The following NXNL2 variants were observed in gnomAD, a reference collection of about 807,000 sequenced individuals.
NXNL2 encodes nucleoredoxin-like protein 2.
In NXNL2, 7 loss-of-function variants were observed where a neutral mutation model predicts 11.1. That is an observed-to-expected ratio of 0.63 (90% CI 0.36 to 1.18). The LOEUF is 1.18. NXNL2 is among the 50% of genes most tolerant of loss of function. The pLI is 0.02. For synonymous variants in NXNL2, 109 were observed against 101.8 expected, an observed-to-expected ratio of 1.07 and a Z score of -0.42; for missense variants, 233 against 217.7, an observed-to-expected ratio of 1.07 and a Z score of -0.44.
chr9:88,581,515 A>G (rs1015660012), intron 1 of NXNL2, among the ~76,000 whole-genome samples: 1 of 151,706 alleles, frequency 6.6e-6, no homozygotes, highest in Non-Finnish European at 1.5e-5. Context: ...TCAGCTCACC[A>G]CAACCTCTGC....
chr9:88,535,759 C>A (rs762484471), intron 1 of NXNL2, 23 bp downstream of exon 1: 2 of 1,168,094 alleles, frequency 1.7e-6, no homozygotes, highest in Non-Finnish European at 2.3e-6. Flanking sequence ...CCTGGGGGGG[C>A]GGGGGCCGCC....
chr9:88,565,509 T>G (rs1403558002), intron 1 of NXNL2, among the ~76,000 whole-genome samples: 1 of 152,192 alleles, frequency 6.6e-6, no homozygotes, highest in Non-Finnish European at 1.5e-5. Flanking sequence ...TTATTCCACA[T>G]CCTCTCTAAC....
chr9:88,562,331 G>T (rs1484550154), intron 1 of NXNL2, among the ~76,000 whole-genome samples: 1 of 152,172 alleles, frequency 6.6e-6, no homozygotes, highest in East Asian at 1.9e-4. Context: ...GCGGCTGGGA[G>T]TGCTGGAGGT....
chr9:88,545,740 A>G (rs889770638), downstream of NXNL2, among the ~76,000 whole-genome samples: 4 of 152,158 alleles, frequency 2.6e-5, no homozygotes, highest in South Asian at 4.1e-4. Context: ...AAACTCAGAG[A>G]TGAAATATTT....
chr9:88,562,005 G>T (rs1272838796), intron 1 of NXNL2, among the ~76,000 whole-genome samples: 2 of 152,182 alleles, frequency 1.3e-5, no homozygotes, highest in Non-Finnish European at 2.9e-5. Flanking sequence ...GTGCATAGCA[G>T]CACTAGTTGT....
chr9:88,549,519 G>A (rs1829898083), downstream of NXNL2, among the ~76,000 whole-genome samples: 1 of 152,136 alleles, frequency 6.6e-6, no homozygotes, highest in African/African-American at 2.4e-5. Flanking sequence ...ATTTAGGTTG[G>A]AAGTACTTTC....
At chr9:88,549,154 A>T (rs1829892460), downstream of NXNL2, among the ~76,000 whole-genome samples, 1 of 152,230 alleles carries the variant, frequency 6.6e-6, no homozygotes, top group South Asian at 2.1e-4. Context: ...CTGGCTATCC[A>T]GGTTTCCTCT....
Position 88,535,424 on chromosome 9 carries a change from G to T in NXNL2, c.-11G>T, listed in dbSNP as rs1201052980. On this transcript the variant is annotated 5_prime_UTR_variant, in exon 1 of 2. Coordinates refer to ENST00000375854, the MANE Select transcript of NXNL2 (RefSeq NM_001161625.2). ...GTGTCCTCGGGTCTCAGGTGGCTGC[G>T]TGTCTGCGCCATGGTTGACATTCTG... 5.0e-6 allele frequency: 8 copies of T among 1,584,284 alleles called. No individual in the cohort carries two copies. Among genetic ancestry groups the T allele is most frequent in the Non-Finnish European group, 6.8e-6 (8 of 1,168,098 alleles).
downstream of NXNL2, among the ~76,000 whole-genome samples, chr9:88,580,757 C>T (rs1030879348): frequency 2.6e-5 from 4 of 152,178 alleles, no homozygotes; most frequent in African/African-American, 9.7e-5. Flanking sequence ...ATCCATGGCC[C>T]CACTGATGTC....
At chr9:88,575,161 C>T (rs1053735147) in exon 3 of NXNL2, 1 of 985,178 alleles carries the variant, frequency 1.0e-6, no homozygotes, top group Non-Finnish European at 1.2e-6. Flanking sequence ...TGTTCTCCCC[C>T]CGCACCATCC....
intron 1 of NXNL2, chr9:88,583,998 G>C (rs966824647): frequency 6.6e-6 from 1 of 152,210 alleles, no homozygotes; most frequent in Non-Finnish European, 1.5e-5. Flanking sequence ...TTTTGTTTCA[G>C]CAGCCGGAGC....
At chr9:88,543,757 C>G (rs1380950740) in intron 1 of NXNL2, among the ~76,000 whole-genome samples, 3 of 152,186 alleles carry the variant, frequency 2.0e-5, no homozygotes, top group Non-Finnish European at 4.4e-5. Flanking sequence ...TCCTTAGGCA[C>G]ACTAGCCACA....
At chr9:88,578,483 A>G (rs1423481425), downstream of NXNL2, among the ~76,000 whole-genome samples, 1 of 152,232 alleles carries the variant, frequency 6.6e-6, no homozygotes, top group Non-Finnish European at 1.5e-5. Context: ...GTAATCAGTT[A>G]CTTATCAATT....
chr9:88,541,072 A>C (rs1829749918), intron 1 of NXNL2, among the ~76,000 whole-genome samples: 1 of 143,824 alleles, frequency 7.0e-6, no homozygotes, highest in African/African-American at 2.6e-5. Context: ...CAGCCTCCCA[A>C]GTAGCTGAGC....
At chr9:88,559,024 T>C (rs114491650) in intron 1 of NXNL2, among the ~76,000 whole-genome samples, 1,567 of 152,196 alleles carry the variant, frequency 0.01, 30 homozygotes, top group African/African-American at 0.035. Flanking sequence ...AGCAAATAGA[T>C]GTCTCTGCAT....
intron 2 of NXNL2, among the ~76,000 whole-genome samples, chr9:88,574,115 T>C (rs1226424480): frequency 6.6e-6 from 1 of 152,222 alleles, no homozygotes; most frequent in Non-Finnish European, 1.5e-5. Context: ...TCCACTCATA[T>C]ATATATACAC....
chr9:88,564,408 T>C lies in NXNL2; in HGVS notation c.303-6679T>C, dbSNP rs991350295. On this transcript the variant is annotated intron_variant, in intron 1 of 2. Transcript: ENST00000375855. The stretch of plus-strand genomic sequence containing the variant: ...TACAATGTATGTACATATCTATCTA[T>C]TTATATATTTATTTATTTATTTTTT... Among the ~76,000 whole-genome samples, 5 of 151,922 alleles carry C rather than the reference T, an allele frequency of 3.3e-5. 1 individual carries two copies. The East Asian group carries it at 9.6e-4, about 29-fold the overall frequency.
intron 2 of NXNL2, among the ~76,000 whole-genome samples, chr9:88,572,287 T>C (rs1018606295): frequency 6.6e-6 from 1 of 152,210 alleles, no homozygotes; most frequent in Non-Finnish European, 1.5e-5. Context: ...AAACATGTTC[T>C]GACTCTGTGG....
chr9:88,543,911 T>C (rs1829808527), intron 1 of NXNL2, among the ~76,000 whole-genome samples: 1 of 152,200 alleles, frequency 6.6e-6, no homozygotes, highest in African/African-American at 2.4e-5. Flanking sequence ...GGCTAACGCC[T>C]GTAATCCCAG....
Sources: gnomAD v4.1 joint callset for allele counts (sites outside exome capture counted in the v4.1 genomes callset) on GRCh38, gnomAD v4.1.1 for gene constraint, MANE v1.5 for transcripts, NCBI Gene and HGNC (gene_info 2026-07-23, HGNC 2026-07-21) for gene names.